Variants in NRXN3 observed in about 807,000 individuals in gnomAD.
NRXN3 encodes the protein neurexin 3, also known as neurexin III.
NRXN3 carries 32 observed loss-of-function variants against 137.6 expected under a neutral mutation model. The ratio of observed to expected loss-of-function variants is 0.23; its 90% CI spans 0.18 to 0.31. NRXN3 has a LOEUF of 0.31. Among genes scored for constraint, NRXN3 ranks in the 10% least tolerant of loss-of-function variants. NRXN3 has a pLI of 1.00. For missense variants in NRXN3, 1,574 were observed against 2,062.5 expected, an observed-to-expected ratio of 0.76 and a Z score of 4.59; for synonymous variants, 798 against 784.5, an observed-to-expected ratio of 1.02 and a Z score of -0.29.
intron 15 of NRXN3, among the ~76,000 whole-genome samples, chr14:79,263,706 A>G (rs2077992281): frequency 6.6e-6 from 1 of 152,234 alleles, no homozygotes; most frequent in Admixed American, 6.5e-5. Flanking sequence ...TTAAAAATAT[A>G]AAGAAATCTT....
intron 19 of NRXN3, among the ~76,000 whole-genome samples, chr14:79,713,910 T>C (rs1008998862): frequency 6.6e-6 from 1 of 152,034 alleles, no homozygotes; most frequent in African/African-American, 2.4e-5. Flanking sequence ...GGATTAGAAT[T>C]GTCACTCTGG....
intron 16 of NRXN3, among the ~76,000 whole-genome samples, chr14:79,513,338 T>C (rs995205578): frequency 7.2e-5 from 11 of 152,066 alleles, no homozygotes; most frequent in African/African-American, 2.7e-4. Context: ...TTATCAAGAG[T>C]TGGTGGTGCA....
chr14:78,674,278 G>A (rs550109080), intron 6 of NRXN3, among the ~76,000 whole-genome samples: 36 of 152,284 alleles, frequency 2.4e-4, no homozygotes, highest in Non-Finnish European at 7.4e-5. Flanking sequence ...ATAAAGGCAA[G>A]GTGTTTTTGG....
intron 15 of NRXN3, among the ~76,000 whole-genome samples, chr14:79,334,711 G>A (rs1308829088): frequency 6.6e-6 from 1 of 152,110 alleles, no homozygotes; most frequent in Non-Finnish European, 1.5e-5. Flanking sequence ...CAGGAATCTA[G>A]GCAAAAGATA....
At chr14:78,542,236 C>T (rs1201604624) in intron 4 of NRXN3, among the ~76,000 whole-genome samples, 2 of 152,234 alleles carry the variant, frequency 1.3e-5, no homozygotes, top group Non-Finnish European at 2.9e-5. Context: ...TAAGTCTGCA[C>T]AAGTTGTCTG....
At chr14:79,803,426 A>C (rs370447664) in intron 19 of NRXN3, among the ~76,000 whole-genome samples, 1 of 152,100 alleles carries the variant, frequency 6.6e-6, no homozygotes, top group African/African-American at 2.4e-5. Context: ...GTCTTCTGAG[A>C]ACTCTCCCCT....
At chr14:78,278,497 A>G in intron 2 of NRXN3, 148 bp from the exon 3 acceptor site, 1 of 678,668 alleles carries the variant, frequency 1.5e-6, no homozygotes, top group East Asian at 2.8e-5. Context: ...AGTGCTCAGA[A>G]GCTGAGTACC....
chr14:79,202,433 T>C (rs1416876737), intron 15 of NRXN3, among the ~76,000 whole-genome samples: 1 of 152,118 alleles, frequency 6.6e-6, no homozygotes, highest in East Asian at 1.9e-4. Context: ...TTCGGTTACA[T>C]GAGTAAGTTC....
chr14:78,949,494 T>G (rs771479435), intron 10 of NRXN3, among the ~76,000 whole-genome samples: 4 of 152,180 alleles, frequency 2.6e-5, no homozygotes, highest in Non-Finnish European at 4.4e-5. Flanking sequence ...CACTAGTTTT[T>G]TTCCAATACA....
intron 8 of NRXN3, among the ~76,000 whole-genome samples, chr14:78,775,831 A>G (rs74064958): frequency 0.082 from 12,553 of 152,278 alleles, 876 homozygotes; most frequent in African/African-American, 0.19. Flanking sequence ...AGTTTCAGTT[A>G]TCTGAGGTAA....
intron 1 of NRXN3, among the ~76,000 whole-genome samples, chr14:78,194,373 C>A (rs2061036239): frequency 6.6e-6 from 1 of 152,162 alleles, no homozygotes; most frequent in Non-Finnish European, 1.5e-5. Flanking sequence ...TAAACTCAAC[C>A]CATTGCTGGG....
At chr14:79,607,965 G>A (rs113772074) in intron 16 of NRXN3, among the ~76,000 whole-genome samples, 34 of 152,194 alleles carry the variant, frequency 2.2e-4, no homozygotes, top group Non-Finnish European at 2.6e-4. Context: ...AGCCACCACC[G>A]TGCCTGGCCA....
intron 18 of NRXN3, among the ~76,000 whole-genome samples, chr14:79,694,546 C>T (rs1470459840): frequency 6.6e-6 from 1 of 151,764 alleles, no homozygotes; most frequent in Non-Finnish European, 1.5e-5. Context: ...TTTTTATGTA[C>T]ATATAATGGT....
chr14:79,017,291 GTTCTGTTCATGA>G (rs1271222662), intron 15 of NRXN3, among the ~76,000 whole-genome samples: 4 of 151,734 alleles, frequency 2.6e-5, no homozygotes, highest in South Asian at 2.1e-4. Context: ...CAAGCAACTG[GTTCTGTTCATGA>G]TGCTGTGGGG....
At chr14:78,943,528 T>G (rs2099357194) in intron 10 of NRXN3, among the ~76,000 whole-genome samples, 1 of 147,896 alleles carries the variant, frequency 6.8e-6, no homozygotes, top group Non-Finnish European at 1.5e-5. Flanking sequence ...GGAGGGCTTC[T>G]GTGAGTGGAG....
At position 79,719,778 on chromosome 14, in the gene NRXN3, G is replaced by A. The variant is rs751451545; in HGVS notation, c.4014+21841G>A. 6.6e-5 allele frequency among the ~76,000 whole-genome samples: 10 copies of A among 151,946 alleles called. 1 individual carries two copies. The highest frequency in any genetic ancestry group is 1.0e-4 in the Non-Finnish European group (7 of 68,000). On this transcript the variant is annotated intron_variant, in intron 19 of 20. Transcript: ENST00000335750. ...CATACCTTGTTATACTTTCAGACAT[G>A]TTCTTTCTACTTGAGCACATACAAC...
In NRXN3 at chr14:79,394,305, T is replaced by C. The variant is rs751959009; in HGVS notation, c.3263-72916T>C. The stretch of plus-strand genomic sequence containing the variant: ...AGCAGTAGCTAATATTTATCAGATA[T>C]AGAGCTTGTTACCACCACAGTAAGC... On this transcript the variant is annotated intron_variant, in intron 15 of 20. Coordinates refer to ENST00000335750, the MANE Select transcript of NRXN3 (RefSeq NM_001330195.2). Among the ~76,000 whole-genome samples, 89 of 152,226 alleles carry C rather than the reference T, an allele frequency of 5.8e-4. 1 individual carries two copies. The highest frequency in any genetic ancestry group is 9.8e-4 in the Admixed American group (15 of 15,280).
intron 10 of NRXN3, among the ~76,000 whole-genome samples, chr14:78,940,537 C>T (rs1410334868): frequency 6.6e-6 from 1 of 152,092 alleles, no homozygotes; most frequent in Non-Finnish European, 1.5e-5. Flanking sequence ...TATCTCCAGC[C>T]ACTAGTCAAT....
chr14:79,630,248 G>A (rs906095538), intron 16 of NRXN3, among the ~76,000 whole-genome samples: 6 of 152,154 alleles, frequency 3.9e-5, no homozygotes, highest in Non-Finnish European at 7.4e-5. Context: ...ACAAACCCAA[G>A]AAGAAAAACA....
Sources: allele counts gnomAD v4.1 joint callset (sites outside exome capture counted in the v4.1 genomes callset), GRCh38; gene constraint gnomAD v4.1.1; transcripts MANE v1.5; gene names NCBI Gene and HGNC (gene_info 2026-07-23, HGNC 2026-07-21).